The following ADAM33 variants were observed in gnomAD, a reference collection of about 807,000 sequenced individuals.
ADAM33 encodes ADAM metallopeptidase domain 33.
ADAM33 carries 103 observed loss-of-function variants against 106.2 expected under a neutral mutation model. The observed-to-expected ratio is 0.97, with a 90% CI of 0.83 to 1.14. The LOEUF (loss-of-function observed/expected upper bound fraction) is 1.14, where lower values mean the gene tolerates loss of function less well. Among genes scored for constraint, ADAM33 ranks in the 50% most tolerant of loss-of-function variants. The pLI, the probability that ADAM33 is intolerant of heterozygous loss-of-function variation, is 0.00. For missense variants in ADAM33, 1,120 were observed against 1,096.6 expected, an observed-to-expected ratio of 1.02 and a Z score of -0.30; for synonymous variants, 483 against 453.0, an observed-to-expected ratio of 1.07 and a Z score of -0.84.
chr20:3,678,986 A>G (rs565257734), intron 2 of ADAM33, among the ~76,000 whole-genome samples: 30 of 152,116 alleles, frequency 2.0e-4, no homozygotes, highest in Non-Finnish European at 3.4e-4. Context: ...CAGGAGAGTG[A>G]CCACTGCCCC....
Position 3,677,251 on chromosome 20 carries a change from G to A in ADAM33, c.178-108C>T, listed in dbSNP as rs908662551. 5.6e-5 allele frequency: 52 copies of A among 930,280 alleles called. No homozygotes were observed. The Admixed American group carries it at 7.2e-4, about 13-fold the overall frequency. The allele number at this position is 930,280 out of a possible 1,614,324, so 57.6% of individuals were successfully genotyped here. On this transcript the variant is annotated intron_variant, in intron 2 of 21. Coordinates refer to ENST00000356518, the MANE Select transcript of ADAM33 (RefSeq NM_025220.5). The stretch of plus-strand genomic sequence containing the variant: ...TGGGGAGGAAGTTCTTGGGGAGAAC[G>A]TGGGCTGGGGAGTCAGCAGGACCCC...
chr20:3,669,027 C>A (rs746532303), intron 21 of ADAM33, 27 bp from the exon 22 acceptor site: 28 of 1,613,566 alleles, frequency 1.7e-5, no homozygotes, highest in Admixed American at 1.0e-4. Flanking sequence ...TATGTTGTCC[C>A]CTAAGGACTG....
chr20:3,673,795 C>G lies in ADAM33; in HGVS notation c.855G>C (p.Trp285Cys). 6.5e-7 allele frequency: 1 copy of G among 1,538,794 alleles called. No homozygotes were observed. The highest frequency in any genetic ancestry group is 8.7e-7 in the Non-Finnish European group (1 of 1,148,368). ...GCCGCTGCGCCCACAGCCCCCGGCGCCACTGCAGGAAGGCCCAGAGCGTGG... is the reference window on the plus strand; with the variant it reads ...GCCGCTGCGCCCACAGCCCCCGGCGGCACTGCAGGAAGGCCCAGAGCGTGG... The part of the protein sequence containing the change: ...ANATLWAFLQ[W>C]RRGLWAQRPH... The change falls in exon 9 of 22, where the codon TGG (tryptophan) becomes TGC (cysteine). Residue 285 changes from tryptophan (W) to cysteine (C), a missense_variant. Trp to Cys is a radical substitution (Grantham distance 215, BLOSUM62 -2). Transcript: ENST00000356518.
At chr20:3,679,110 C>T (rs996575924) in intron 2 of ADAM33, among the ~76,000 whole-genome samples, 5 of 141,590 alleles carry the variant, frequency 3.5e-5, no homozygotes, top group Non-Finnish European at 7.5e-5. Flanking sequence ...TTCTGGTCAA[C>T]TTTGCAAAAG....
chr20:3,673,253 A>G (rs974769896), intron 11 of ADAM33, 101 bp downstream of exon 11: 7 of 1,533,998 alleles, frequency 4.6e-6, no homozygotes, highest in Non-Finnish European at 6.1e-6. Flanking sequence ...CATTATCCCC[A>G]TTTTACAGAA....
chr20:3,676,130 C>A (rs1204269119), intron 3 of ADAM33, among the ~76,000 whole-genome samples: 1 of 152,230 alleles, frequency 6.6e-6, no homozygotes, highest in East Asian at 1.9e-4. Flanking sequence ...ATAACATAAT[C>A]TGGGTGGTTT....
At chr20:3,670,924 GC>G (rs2087490294) in intron 19 of ADAM33, 81 bp downstream of exon 19, 1 of 1,456,512 alleles carries the variant, frequency 6.9e-7, no homozygotes. Flanking sequence ...CTGAGGGCCT[GC>G]CCCAGCTCCC....
rs2146375797 is a variant in ADAM33 at position 3,672,183 on chromosome 20, A to G, written c.1548T>C (p.Asp516=). ...PCARGSGYCW[D]GACPTLEQQC... ...GCTGCTCCAGCGTGGGACATGCGCC[A>G]TCCCAGCAGTAGCCACTGCCCCTGG... Residue 516 remains aspartate, a synonymous_variant, in exon 14 of 22, where the codon GAT becomes GAC. Coordinates refer to ENST00000356518, the MANE Select transcript of ADAM33 (RefSeq NM_025220.5). 1 of 1,613,244 alleles carries G rather than the reference A, an allele frequency of 6.2e-7. No homozygotes were observed. The highest frequency in any genetic ancestry group is 2.2e-5 in the East Asian group (1 of 44,880).
At chr20:3,672,043 C>T in intron 14 of ADAM33, 58 bp from the exon 15 acceptor site, 5 of 1,558,110 alleles carry the variant, frequency 3.2e-6, no homozygotes, top group Non-Finnish European at 3.5e-6. Context: ...CTCAGCGGGC[C>T]TCAGTTTCCC....
intron 1 of ADAM33, 44 bp from the exon 2 acceptor site, chr20:3,679,615 A>G (rs1180449068): frequency 1.3e-6 from 2 of 1,549,334 alleles, no homozygotes; most frequent in East Asian, 2.3e-5. Flanking sequence ...CCTGAGGAAC[A>G]CAGGGGCATG....
At chr20:3,676,891 C>A (rs2088014539) in intron 3 of ADAM33, among the ~76,000 whole-genome samples, 176 bp downstream of exon 3, 1 of 152,222 alleles carries the variant, frequency 6.6e-6, no homozygotes, top group South Asian at 2.1e-4. Context: ...GGGCTGACAG[C>A]CTCAGCGGTC....
rs753262884 is a variant in ADAM33 at position 3,674,612 on chromosome 20, G to C, written c.492C>G (p.His164Gln). The C allele has an allele frequency of 1.2e-6, 2 of 1,613,056 alleles. No homozygotes were observed. The highest frequency in any genetic ancestry group is 1.1e-5 in the South Asian group (1 of 90,858). ...GCAGCTGCTCCATCCGAAAGATCTC[G>C]TGGGTTGAGAAGTCCTTGGAGCCCC... ...PPRGSKDFST[H>Q]EIFRMEQLLT... The change falls in exon 6 of 22, where the codon CAC (histidine) becomes CAG (glutamine). Residue 164 changes from histidine to glutamine, a missense_variant. Transcript: ENST00000356518.
In ADAM33 at chr20:3,675,509, C is replaced by T. The variant is rs118061413; in HGVS notation, c.255-404G>A. The stretch of plus-strand genomic sequence containing the variant: ...GCGGTGACCTCCCCCAGTTCCCCTG[C>T]CTGCTGCCCTCCTTTGTTGGGCATC... On this transcript the variant is annotated intron_variant, in intron 3 of 21. Transcript: ENST00000356518. The surrounding 1 kb of genome is among the most constrained non-coding windows in gnomAD (Gnocchi z 4.1). Among the ~76,000 whole-genome samples the T allele has an allele frequency of 2.5e-3, 381 of 152,184 alleles. 2 individuals are homozygous for T. The highest frequency in any genetic ancestry group is 3.9e-3 in the Non-Finnish European group (268 of 67,984).
chr20:3,674,062 A>G lies in ADAM33; in HGVS notation c.738+2T>C. 1 of 1,613,904 alleles carries G rather than the reference A, an allele frequency of 6.2e-7. No individual in the cohort carries two copies. On this transcript the variant is annotated splice_donor_variant, in intron 8 of 21. Transcript: ENST00000356518. LOFTEE classifies it high-confidence loss of function. ...CACCGCTCTCTCCCCGCCGCCCCCA[A>G]CCTGGTCCACGTAGTTGGCGACTTC...
At chr20:3,672,463 A>G (rs1365471188) in intron 13 of ADAM33, 74 bp downstream of exon 13, 1 of 1,587,396 alleles carries the variant, frequency 6.3e-7, no homozygotes, top group Non-Finnish European at 8.6e-7. Context: ...ACCTGAGGGC[A>G]CCAATTAACT....
rs1329254773 is a variant in ADAM33 at position 3,675,163 on chromosome 20, T to C, written c.255-58A>G. On this transcript the variant is annotated intron_variant, in intron 3 of 21. Coordinates refer to ENST00000356518, the MANE Select transcript of ADAM33 (RefSeq NM_025220.5). The surrounding 1 kb of genome is among the most constrained non-coding windows in gnomAD (Gnocchi z 4.1). Reference sequence around the variant, plus strand: ...CAGCTTCCTCCTGCCTCCTCCAGGATGTCTCCCAGCCTTCCTCCCTAAATG... The same window carrying C: ...CAGCTTCCTCCTGCCTCCTCCAGGACGTCTCCCAGCCTTCCTCCCTAAATG... The C allele has an allele frequency of 7.4e-7, 1 of 1,351,258 alleles. No individual in the cohort carries two copies. Among genetic ancestry groups the C allele is most frequent in the Non-Finnish European group, 1.0e-6 (1 of 956,810 alleles). The allele number at this position is 1,351,258 out of a possible 1,614,324, so 83.7% of individuals were successfully genotyped here.
At position 3,679,441 on chromosome 20, in the gene ADAM33, G is replaced by A. The variant is rs150354794; in HGVS notation, c.177+51C>T. 608 of 1,546,902 alleles carry A rather than the reference G, an allele frequency of 3.9e-4. 2 individuals carry two copies. The African/African-American group carries it at 7.6e-3, about 19-fold the overall frequency. On this transcript the variant is annotated intron_variant, in intron 2 of 21. Coordinates refer to ENST00000356518, the MANE Select transcript of ADAM33 (RefSeq NM_025220.5). The stretch of plus-strand genomic sequence containing the variant: ...AGCTGTAATGTAGGGAGAGACAAAA[G>A]GGCTGGGAGGTTCAGGGCCCCTGTG...
intron 3 of ADAM33, among the ~76,000 whole-genome samples, 192 bp downstream of exon 3, chr20:3,676,875 A>G (rs1375498920): frequency 6.6e-6 from 1 of 152,160 alleles, no homozygotes; most frequent in East Asian, 1.9e-4. Context: ...GAGGTGCCCC[A>G]CAGCGGGGCT....
Position 3,674,839 on chromosome 20 carries a change from T to C in ADAM33, c.344A>G (p.His115Arg). ...VLAPNHTDHCHYQGRVRGFPD... is the reference protein window; with the variant it reads ...VLAPNHTDHCRYQGRVRGFPD... ...GAAGCCCCTTACTCGCCCTTGGTAG[T>C]GGCAATGATCCTAGGGAGGAAGGGG... is the stretch of plus-strand genomic sequence containing the variant. Residue 115 changes from histidine (H) to arginine (R), a missense_variant, in exon 5 of 22, where the codon CAC (histidine) becomes CGC (arginine). Transcript: ENST00000356518. 1.2e-6 allele frequency: 2 copies of C among 1,610,684 alleles called. 1 individual carries two copies.
Sources: gnomAD v4.1 joint callset for allele counts (sites outside exome capture counted in the v4.1 genomes callset) on GRCh38, gnomAD v4.1.1 for gene constraint, Gnocchi (gnomAD v3.1) non-coding constraint, MANE v1.5 for transcripts, NCBI Gene and HGNC (gene_info 2026-07-23, HGNC 2026-07-21) for gene names.